MTUS1: variants seen among roughly 807,000 people sequenced by gnomAD.
The protein encoded by MTUS1 is microtubule associated scaffold protein 1, also known as microtubule-associated tumor suppressor 1.
In MTUS1, 109 loss-of-function variants were observed where a neutral mutation model predicts 120.8. The observed-to-expected ratio is 0.90, with a 90% confidence interval of 0.77 to 1.06. The LOEUF is 1.06. MTUS1 is among the 50% of genes least tolerant of loss of function. The probability of loss-of-function intolerance (pLI) is 0.00; values close to 1 mark genes in which losing one functional copy is unlikely to be tolerated. For synonymous variants in MTUS1, 737 were observed against 550.5 expected, an observed-to-expected ratio of 1.34 and a Z score of -4.74; for missense variants, 2,210 against 1,486.3, an observed-to-expected ratio of 1.49 and a Z score of -8.01.
In MTUS1 at chr8:17,764,949, T is replaced by G. The variant is rs141435911; in HGVS notation, c.-154-8988A>C. Among the ~76,000 whole-genome samples, 546 of 152,320 alleles carry G rather than the reference T, an allele frequency of 3.6e-3. 4 individuals carry two copies. Among genetic ancestry groups the G allele is most frequent in the African/African-American group, 0.012 (513 of 41,568 alleles). On this transcript the variant is annotated intron_variant, in intron 1 of 14. Coordinates refer to ENST00000693296, the MANE Select transcript of MTUS1 (RefSeq NM_001363059.2). ...CACTTTATTTCTATTAGTATTACAT[T>G]GTAATACATAATCAAATAATTATAT...
At chr8:17,693,638 T>A (rs1339207973) in intron 6 of MTUS1, among the ~76,000 whole-genome samples, 1 of 152,228 alleles carries the variant, frequency 6.6e-6, no homozygotes, top group Non-Finnish European at 1.5e-5. Context: ...TGTTTCTTAG[T>A]AAATTCTCCA....
At chr8:17,685,107 T>C (rs1815486726) in intron 6 of MTUS1, among the ~76,000 whole-genome samples, 2 of 152,210 alleles carry the variant, frequency 1.3e-5, no homozygotes, top group African/African-American at 4.8e-5. Context: ...AGATTTTGCC[T>C]CTTTAAGTTC....
rs905025767 is a variant in MTUS1 at position 17,715,615 on chromosome 8, C to G, written c.2584+152G>C. 4 of 817,198 alleles carry G rather than the reference C, an allele frequency of 4.9e-6. No individual in the cohort carries two copies. The Admixed American group carries it at 1.1e-4, about 22-fold the overall frequency. The allele number at this position is 817,198 out of a possible 1,614,324, so 50.6% of individuals were successfully genotyped here. On this transcript the variant is annotated intron_variant, in intron 5 of 14. Coordinates refer to ENST00000693296, the MANE Select transcript of MTUS1 (RefSeq NM_001363059.2). ...TACCAACTGTCAGAAAAACAATTTC[C>G]TCAGTGCAAAAATGTATTATATCTC...
rs6991865 is a variant in MTUS1, at chr8:17,761,045, G to A, written c.-154-5084C>T. ...CTTTTTCAGAGAACATTTTGGACCA[G>A]AGAGAACAAATTCCCCACTTATTAA... On this transcript the variant is annotated intron_variant, in intron 1 of 14. Coordinates refer to ENST00000693296, the MANE Select transcript of MTUS1 (RefSeq NM_001363059.2). Among the ~76,000 whole-genome samples, 482 of 152,070 alleles carry A rather than the reference G, an allele frequency of 3.2e-3. 3 individuals are homozygous for A. Among genetic ancestry groups the A allele is most frequent in the African/African-American group, 0.011 (457 of 41,452 alleles).
At chr8:17,651,613 A>T (rs1256474773) in intron 12 of MTUS1, 1 of 150,926 alleles carries the variant, frequency 6.6e-6, no homozygotes, top group African/African-American at 2.4e-5. Context: ...CGTCAGTTTT[A>T]AAATTAGAGC....
intron 3 of MTUS1, among the ~76,000 whole-genome samples, chr8:17,740,673 G>A (rs1476948097): frequency 6.6e-6 from 1 of 152,146 alleles, no homozygotes; most frequent in African/African-American, 2.4e-5. Context: ...AGTCGGCTCA[G>A]GCTGCCATAA....
In MTUS1 at chr8:17,743,719, A is replaced by C; in HGVS notation, c.2172T>G (p.Ala724=). 6.2e-7 allele frequency: 1 copy of C among 1,614,162 alleles called. No individual in the cohort carries two copies. The highest frequency in any genetic ancestry group is 2.2e-5 in the East Asian group (1 of 44,882). Residue 724 remains alanine, a synonymous_variant, in exon 3 of 15, where the codon GCT becomes GCG. Transcript: ENST00000693296. ...CAGGGGGCCCCACTTTGGCTTTTGG[A>C]GCAGCTATTTGCCTCAAACCGCAGG... is the stretch of plus-strand genomic sequence containing the variant. The part of the protein sequence containing the change: ...PDSCGLRQIA[A]PKAKVGPPVS...
At chr8:17,731,512 C>A (rs959782773) in intron 3 of MTUS1, among the ~76,000 whole-genome samples, 1 of 151,982 alleles carries the variant, frequency 6.6e-6, no homozygotes, top group East Asian at 1.9e-4. Context: ...TGGATTACAA[C>A]GCAAAGGGCT....
Position 17,722,106 on chromosome 8 carries a change from G to T in MTUS1, c.2449+1566C>A, listed in dbSNP as rs182089978. ...GATTTGAATGCTTAATCCGCAACAG[G>T]AACACATCGCCACTAGACAGGCTCT... On this transcript the variant is annotated intron_variant, in intron 4 of 14. Coordinates refer to ENST00000693296, the MANE Select transcript of MTUS1 (RefSeq NM_001363059.2). 60 of 1,297,188 alleles carry T rather than the reference G, an allele frequency of 4.6e-5. No individual in the cohort carries two copies. The East Asian group carries it at 1.7e-3, about 38-fold the overall frequency. 80.4% of individuals were successfully genotyped at this position (1,297,188 alleles called of 1,614,324 possible). A position where few individuals can be genotyped will look rare whatever the true frequency, so the allele number is the denominator to read the frequency against.
At chr8:17,663,148 G>C (rs556223190) in intron 8 of MTUS1, among the ~76,000 whole-genome samples, 90 of 152,332 alleles carry the variant, frequency 5.9e-4, no homozygotes, top group African/African-American at 2.0e-3. Flanking sequence ...CAGTGCCACA[G>C]TCAAACATAA....
At chr8:17,698,595 C>T (rs745884536) in intron 6 of MTUS1, among the ~76,000 whole-genome samples, 2 of 152,074 alleles carry the variant, frequency 1.3e-5, no homozygotes, top group Non-Finnish European at 2.9e-5. Context: ...AGAATTGTTA[C>T]CATAAATAAC....
chr8:17,694,911 G>A (rs755721623), intron 6 of MTUS1, among the ~76,000 whole-genome samples: 3 of 152,092 alleles, frequency 2.0e-5, no homozygotes, highest in Non-Finnish European at 2.9e-5. Flanking sequence ...ATCTCTTGTG[G>A]TTCCCTTATT....
intron 7 of MTUS1, 125 bp downstream of exon 7, chr8:17,684,203 G>A (rs1353584159): frequency 1.4e-6 from 1 of 697,826 alleles, no homozygotes; most frequent in Non-Finnish European, 2.5e-6. Flanking sequence ...AATGTAATGG[G>A]ATGAATGACA....
At chr8:17,686,357 T>A (rs192237344) in intron 6 of MTUS1, among the ~76,000 whole-genome samples, 2 of 152,356 alleles carry the variant, frequency 1.3e-5, no homozygotes, top group Non-Finnish European at 2.9e-5. Flanking sequence ...CTATAATACA[T>A]ATAAGCCCAT....
chr8:17,793,766 C>T (rs1329162207), intron 1 of MTUS1, among the ~76,000 whole-genome samples: 1 of 152,140 alleles, frequency 6.6e-6, no homozygotes, highest in Non-Finnish European at 1.5e-5. Flanking sequence ...GACAAGGATG[C>T]TTTATATAAC....
chr8:17,716,767 G>A (rs1254628915), intron 4 of MTUS1, among the ~76,000 whole-genome samples: 3 of 152,162 alleles, frequency 2.0e-5, no homozygotes, highest in African/African-American at 7.2e-5. Context: ...TGTTAGGCAG[G>A]ATGGTCTCGA....
At chr8:17,780,904 C>T (rs1351161713) in intron 1 of MTUS1, 3 of 152,146 alleles carry the variant, frequency 2.0e-5, no homozygotes, top group African/African-American at 7.2e-5. Context: ...CGTGAGGCAT[C>T]ATCGAAGGTA....
At chr8:17,763,059 T>G (rs945616083) in intron 1 of MTUS1, among the ~76,000 whole-genome samples, 1 of 151,912 alleles carries the variant, frequency 6.6e-6, no homozygotes, top group African/African-American at 2.4e-5. Context: ...TGGCGCAATC[T>G]TGGCTCACTG....
At chr8:17,765,805 A>T (rs2049443043) in intron 1 of MTUS1, among the ~76,000 whole-genome samples, 1 of 151,536 alleles carries the variant, frequency 6.6e-6, no homozygotes, top group Admixed American at 6.6e-5. Flanking sequence ...GTATACTCTC[A>T]ATTTTCTCGT....
Sources: allele counts gnomAD v4.1 joint callset (sites outside exome capture counted in the v4.1 genomes callset), GRCh38; gene constraint gnomAD v4.1.1; transcripts MANE v1.5; gene names NCBI Gene and HGNC (gene_info 2026-07-23, HGNC 2026-07-21).